Variants in CHRM5 observed in about 807,000 individuals in gnomAD.
CHRM5 encodes the protein cholinergic receptor muscarinic 5, also known as muscarinic acetylcholine receptor M5.
A neutral mutation model predicts 39.0 loss-of-function variants in CHRM5; 18 were observed. The ratio of observed to expected loss-of-function variants is 0.46; its 90% confidence interval spans 0.32 to 0.68. The LOEUF is 0.68. Among genes scored for constraint, CHRM5 ranks in the 30% least tolerant of loss-of-function variants. The pLI, the probability that CHRM5 is intolerant of heterozygous loss-of-function variation, is 0.04. For synonymous variants in CHRM5, 241 were observed against 246.3 expected (o/e 0.98, Z 0.20); for missense variants, 515 against 651.1 (o/e 0.79, Z 2.28).
chr15:34,065,760 T>G lies in CHRM5; in HGVS notation c.*1444T>G, dbSNP rs1184430814. On this transcript the variant is annotated 3_prime_UTR_variant, in exon 3 of 3. Coordinates refer to ENST00000383263, the MANE Select transcript of CHRM5 (RefSeq NM_012125.4). ...ATCAAAGGACCTTTGTGGACAAAAG[T>G]CCACAAAGAAGCAGTAGTGTGGTAC... 2 of 152,074 alleles carry G rather than the reference T, an allele frequency of 1.3e-5. No individual in the cohort carries two copies. The highest frequency in any genetic ancestry group is 2.9e-5 in the Non-Finnish European group (2 of 68,014). 9.4% of individuals were successfully genotyped at this position (152,074 alleles called of 1,614,324 possible). A position where few individuals can be genotyped will look rare whatever the true frequency, so the allele number is the denominator to read the frequency against.
At chr15:34,041,562 G>A (rs959610646) in intron 1 of CHRM5, among the ~76,000 whole-genome samples, 8 of 152,108 alleles carry the variant, frequency 5.3e-5, no homozygotes, top group African/African-American at 1.9e-4. Context: ...TGTTATTAGG[G>A]CACATTCACT....
At chr15:33,989,431 G>C (rs1282181105) in intron 1 of CHRM5, among the ~76,000 whole-genome samples, 2 of 149,132 alleles carry the variant, frequency 1.3e-5, no homozygotes, top group East Asian at 2.0e-4. Context: ...ATTTCTAACA[G>C]CTGGTTTTGT....
At chr15:33,982,464 T>C (rs1474115444) in intron 1 of CHRM5, among the ~76,000 whole-genome samples, 1 of 152,204 alleles carries the variant, frequency 6.6e-6, no homozygotes, top group Non-Finnish European at 1.5e-5. Context: ...TACTAAAATA[T>C]TTTCTGGAGC....
At chr15:34,007,192 T>C (rs935242262) in intron 1 of CHRM5, 8 of 365,092 alleles carry the variant, frequency 2.2e-5, no homozygotes, top group Non-Finnish European at 3.0e-5. Flanking sequence ...TTAAAACAAA[T>C]TGAGATTTTC....
At chr15:34,057,303 A>ATTTTT (rs59628367) in intron 2 of CHRM5, among the ~76,000 whole-genome samples, 97 of 147,338 alleles carry the variant, frequency 6.6e-4, no homozygotes, top group African/African-American at 2.3e-3. Context: ...CGCCCAGCTA[A>ATTTTT]TTTTTTTTTT....
chr15:33,974,983 A>C (rs1467405605), intron 1 of CHRM5, among the ~76,000 whole-genome samples: 1 of 152,186 alleles, frequency 6.6e-6, no homozygotes, highest in Non-Finnish European at 1.5e-5. Flanking sequence ...GAAGGAAAAA[A>C]AGAACAACAG....
At chr15:34,021,225 G>A (rs139408379) in intron 1 of CHRM5, among the ~76,000 whole-genome samples, 2,766 of 150,820 alleles carry the variant, frequency 0.018, 83 homozygotes, top group African/African-American at 0.064. Context: ...TTGCTCTGTC[G>A]CCTCCCAAGT....
intron 1 of CHRM5, among the ~76,000 whole-genome samples, chr15:33,980,409 G>A (rs1336638129): frequency 6.6e-6 from 1 of 152,196 alleles, no homozygotes; most frequent in East Asian, 1.9e-4. Context: ...ACTTACGCAA[G>A]GCTGTTATAG....
intron 1 of CHRM5, among the ~76,000 whole-genome samples, chr15:33,981,001 A>C (rs1896116247): frequency 6.6e-6 from 1 of 152,212 alleles, no homozygotes; most frequent in African/African-American, 2.4e-5. Context: ...TAAAATAGAG[A>C]TCATCAAATT....
intron 1 of CHRM5, among the ~76,000 whole-genome samples, chr15:33,982,043 T>C (rs1048607047): frequency 6.6e-6 from 1 of 151,544 alleles, no homozygotes; most frequent in Admixed American, 6.6e-5. Context: ...TTTTTTTTTT[T>C]ATTAGTAGAG....
At chr15:34,056,814 C>G (rs1476430847) in intron 2 of CHRM5, among the ~76,000 whole-genome samples, 1 of 152,018 alleles carries the variant, frequency 6.6e-6, no homozygotes, top group Admixed American at 6.6e-5. Flanking sequence ...GCCAGGAGTT[C>G]GAGGCCAGGA....
chr15:34,020,455 T>C (rs1264702987), intron 1 of CHRM5, among the ~76,000 whole-genome samples: 1 of 152,248 alleles, frequency 6.6e-6, no homozygotes, highest in African/African-American at 2.4e-5. Context: ...ACAATACTAT[T>C]TCTCTTAAAG....
In CHRM5 at chr15:34,063,361, G is replaced by A. The variant is rs774588600; in HGVS notation, c.644G>A (p.Arg215Gln). 1.2e-5 allele frequency: 19 copies of A among 1,613,882 alleles called. No individual in the cohort carries two copies. The Admixed American group carries it at 1.5e-4, about 13-fold the overall frequency. ...PVSVMTILYCRIYRETEKRTK... is the reference protein window; with the variant it reads ...PVSVMTILYCQIYRETEKRTK... Reference sequence around the variant, plus strand: ...TCTGTCATGACCATCCTCTACTGTCGAATCTACCGGGAAACAGAGAAGCGA... The same window carrying A: ...TCTGTCATGACCATCCTCTACTGTCAAATCTACCGGGAAACAGAGAAGCGA... The change falls in exon 3 of 3, where the codon CGA becomes CAA. Residue 215 changes from arginine to glutamine, a missense_variant. Coordinates refer to ENST00000383263, the MANE Select transcript of CHRM5 (RefSeq NM_012125.4). This position sits in a 1 kb window ranked among gnomAD's most constrained non-coding sequence, Gnocchi z 4.1.
chr15:34,016,156 A>T (rs892175485), intron 1 of CHRM5, among the ~76,000 whole-genome samples: 3 of 152,136 alleles, frequency 2.0e-5, no homozygotes, highest in Admixed American at 6.6e-5. Context: ...CACGCCTGTA[A>T]TTCCAGCTAC....
intron 1 of CHRM5, among the ~76,000 whole-genome samples, chr15:34,043,079 C>G (rs1367721676): frequency 6.6e-6 from 1 of 151,952 alleles, no homozygotes; most frequent in Non-Finnish European, 1.5e-5. Context: ...AACCCCGTCT[C>G]TACTGAAAAT....
intron 1 of CHRM5, chr15:34,039,171 G>C (rs1417573571): frequency 1.2e-6 from 1 of 842,720 alleles, no homozygotes; most frequent in African/African-American, 1.8e-5. Flanking sequence ...GCGAGGCGCG[G>C]GGTGCGGGGC....
chr15:34,064,271 A>C lies in CHRM5; in HGVS notation c.1554A>C (p.Lys518Asn), dbSNP rs778538576. The C allele has an allele frequency of 1.1e-5, 18 of 1,613,996 alleles. No homozygotes were observed. In the African/African-American group the frequency reaches 2.4e-4, roughly 22 times the overall value. Residue 518 changes from lysine to asparagine, a missense_variant, in exon 3 of 3, where the codon AAA (lysine) becomes AAC (asparagine). Physicochemically the swap from Lys to Asn is moderately conservative, Grantham distance 94 (BLOSUM62 0). Transcript: ENST00000383263. ...TTCTCTGCCGATGGAAAAAGAAAAA[A>C]GTGGAAGAGAAGTTGTACTGGCAGG... ...MLLLCRWKKK[K>N]VEEKLYWQGN...
chr15:34,056,007 C>A (rs1900132870), intron 2 of CHRM5, among the ~76,000 whole-genome samples: 1 of 152,048 alleles, frequency 6.6e-6, no homozygotes, highest in Non-Finnish European at 1.5e-5. Flanking sequence ...TGTGAGCCAC[C>A]ACACCCAGCC....
In CHRM5 at chr15:34,010,522, G is replaced by A. The variant is rs138624738; in HGVS notation, c.-407-36018G>A. 4.2e-3 allele frequency among the ~76,000 whole-genome samples: 632 copies of A among 152,152 alleles called. 5 individuals are homozygous for A. The highest frequency in any genetic ancestry group is 0.014 in the African/African-American group (580 of 41,524). On this transcript the variant is annotated intron_variant, in intron 1 of 2. Coordinates refer to ENST00000383263, the MANE Select transcript of CHRM5 (RefSeq NM_012125.4). ...AGGTCCCTGGTTCTACTTTCTTCTG[G>A]AGCAAAAAGGTATAGAAAAGGCTTT...
Sources: gnomAD v4.1 joint callset for allele counts (sites outside exome capture counted in the v4.1 genomes callset) on GRCh38, gnomAD v4.1.1 for gene constraint, Gnocchi (gnomAD v3.1) non-coding constraint, MANE v1.5 for transcripts, NCBI Gene and HGNC (gene_info 2026-07-23, HGNC 2026-07-21) for gene names.